NTRK2: variants seen among roughly 807,000 people sequenced by gnomAD.
NTRK2 encodes neurotrophic receptor tyrosine kinase 2.
In NTRK2, 13 loss-of-function variants were observed where a neutral mutation model predicts 94.5. The observed-to-expected ratio is 0.14, with a 90% CI of 0.09 to 0.22. The LOEUF is 0.22. Among genes scored for constraint, NTRK2 ranks in the 10% least tolerant of loss-of-function variants. The pLI is 1.00. For missense variants in NTRK2, 639 were observed against 1,071.2 expected (o/e 0.60, Z 5.63); for synonymous variants, 372 against 407.4 (o/e 0.91, Z 1.05).
At chr9:84,914,200 T>A (rs555975524) in intron 14 of NTRK2, among the ~76,000 whole-genome samples, 4 of 152,310 alleles carry the variant, frequency 2.6e-5, no homozygotes, top group Admixed American at 2.6e-4. Flanking sequence ...ACTTTATATT[T>A]CTTTCCCGGC....
At chr9:84,676,513 A>G (rs1267469354) in intron 2 of NTRK2, among the ~76,000 whole-genome samples, 2 of 152,122 alleles carry the variant, frequency 1.3e-5, no homozygotes, top group African/African-American at 4.8e-5. Context: ...TAGAATCGGA[A>G]CCTCAGAAAG....
chr9:84,830,867 T>C (rs993772330), intron 12 of NTRK2, among the ~76,000 whole-genome samples: 3 of 152,202 alleles, frequency 2.0e-5, no homozygotes, highest in Non-Finnish European at 4.4e-5. Context: ...CCTATAATCC[T>C]GCCACCCAGA....
chr9:84,952,004 C>T (rs941326077), intron 16 of NTRK2, among the ~76,000 whole-genome samples: 2 of 152,176 alleles, frequency 1.3e-5, no homozygotes, highest in African/African-American at 4.8e-5. Context: ...GCAAGGGTTT[C>T]ATGATTTTTC....
intron 14 of NTRK2, among the ~76,000 whole-genome samples, chr9:84,870,251 C>T (rs2075792910): frequency 7.3e-6 from 1 of 137,392 alleles, no homozygotes; most frequent in African/African-American, 2.7e-5. Context: ...AGTATATGTA[C>T]ACATACCTAT....
intron 6 of NTRK2, among the ~76,000 whole-genome samples, chr9:84,717,338 G>T (rs2061765892): frequency 6.6e-6 from 1 of 152,112 alleles, no homozygotes; most frequent in Non-Finnish European, 1.5e-5. Flanking sequence ...TGCCAAACTG[G>T]GTTAATCCAA....
At chr9:84,819,850 T>A (rs1400337628) in intron 12 of NTRK2, among the ~76,000 whole-genome samples, 1 of 152,200 alleles carries the variant, frequency 6.6e-6, no homozygotes, top group African/African-American at 2.4e-5. Context: ...GCCTATTTCC[T>A]GTTTGTTTCT....
intron 12 of NTRK2, among the ~76,000 whole-genome samples, chr9:84,782,053 C>CACACACAT (rs1157328829): frequency 6.6e-6 from 1 of 151,648 alleles, no homozygotes; most frequent in African/African-American, 2.4e-5. Context: ...CACACACACA[C>CACACACAT]ACACACACAC....
chr9:84,990,430 C>T (rs1828914266), intron 17 of NTRK2, among the ~76,000 whole-genome samples: 1 of 152,114 alleles, frequency 6.6e-6, no homozygotes, highest in Non-Finnish European at 1.5e-5. Context: ...AATTGCCTCC[C>T]ATTTTGTGTG....
Position 85,001,940 on chromosome 9 carries a change from G to A in NTRK2, c.2173-18266G>A, listed in dbSNP as rs953413647. On this transcript the variant is annotated intron_variant, in intron 17 of 18. Coordinates refer to ENST00000277120, the MANE Select transcript of NTRK2 (RefSeq NM_006180.6). ...CGCCCCCCTAGTATCCTATTATGGA[G>A]CATCAGAGGTATGCGGGGAAGGGGA... Among the ~76,000 whole-genome samples the A allele has an allele frequency of 7.9e-5, 12 of 152,212 alleles. No individual in the cohort carries two copies. In the East Asian group the frequency reaches 1.2e-3, roughly 15 times the overall value.
chr9:84,702,758 C>T (rs567773505), intron 4 of NTRK2, among the ~76,000 whole-genome samples: 2 of 152,314 alleles, frequency 1.3e-5, no homozygotes, highest in South Asian at 2.1e-4. Context: ...CCCTGGAAGA[C>T]ATCAAACTAG....
chr9:84,911,334 T>C (rs1293541710), intron 14 of NTRK2, among the ~76,000 whole-genome samples: 1 of 152,178 alleles, frequency 6.6e-6, no homozygotes, highest in Non-Finnish European at 1.5e-5. Flanking sequence ...TTCTGCTTCC[T>C]GGATGAGACT....
At chr9:84,870,414 A>G (rs1200682973) in intron 14 of NTRK2, among the ~76,000 whole-genome samples, 52 of 144,364 alleles carry the variant, frequency 3.6e-4, no homozygotes, top group Non-Finnish European at 6.4e-4. Context: ...ATAGCTCACT[A>G]TAACCTTGAC....
chr9:84,886,320 G>A (rs1046795932), intron 14 of NTRK2, among the ~76,000 whole-genome samples: 4 of 152,216 alleles, frequency 2.6e-5, no homozygotes, highest in African/African-American at 9.6e-5. Context: ...CAACAGTTTA[G>A]TTTGGACCAT....
At chr9:84,729,520 T>C (rs546292394) in intron 9 of NTRK2, among the ~76,000 whole-genome samples, 1 of 152,358 alleles carries the variant, frequency 6.6e-6, no homozygotes, top group East Asian at 1.9e-4. Context: ...AGCTTTTTGC[T>C]TGTTCTTACA....
chr9:84,754,720 A>C (rs919171149), intron 12 of NTRK2, among the ~76,000 whole-genome samples: 2 of 152,180 alleles, frequency 1.3e-5, no homozygotes, highest in Non-Finnish European at 2.9e-5. Context: ...TGCTGTGCAG[A>C]TGAGCTGTTC....
At chr9:84,835,976 C>A (rs1379262628) in intron 12 of NTRK2, among the ~76,000 whole-genome samples, 1 of 152,140 alleles carries the variant, frequency 6.6e-6, no homozygotes, top group Non-Finnish European at 1.5e-5. Flanking sequence ...GATTTACTGG[C>A]ATGGCTCGTG....
intron 12 of NTRK2, among the ~76,000 whole-genome samples, chr9:84,796,842 A>G (rs2069385899): frequency 6.6e-6 from 1 of 152,210 alleles, no homozygotes; most frequent in Admixed American, 6.5e-5. Context: ...CATGAAAACA[A>G]TTGATGAATC....
intron 17 of NTRK2, among the ~76,000 whole-genome samples, chr9:84,985,088 C>A (rs1469677276): frequency 6.6e-6 from 1 of 152,212 alleles, no homozygotes; most frequent in African/African-American, 2.4e-5. Context: ...ATATCTGTCC[C>A]AGCAAGGGTG....
chr9:84,880,432 G>A (rs140675095), intron 14 of NTRK2, among the ~76,000 whole-genome samples: 363 of 152,238 alleles, frequency 2.4e-3, no homozygotes, highest in African/African-American at 8.2e-3. Flanking sequence ...TATGAGCATC[G>A]CAGAGGACAG....
Sources: allele counts gnomAD v4.1 joint callset (sites outside exome capture counted in the v4.1 genomes callset), GRCh38; gene constraint gnomAD v4.1.1; transcripts MANE v1.5; gene names NCBI Gene and HGNC (gene_info 2026-07-23, HGNC 2026-07-21).